NKAIN3: variants seen among roughly 807,000 people sequenced by gnomAD.
The protein encoded by NKAIN3 is sodium/potassium transporting ATPase interacting 3.
In NKAIN3, 25 loss-of-function variants were observed where a neutral mutation model predicts 30.2. The observed-to-expected ratio is 0.83, with a 90% CI of 0.60 to 1.16. The LOEUF is 1.16. Ranked by LOEUF, NKAIN3 falls within the 50% of genes most tolerant of loss-of-function variation. The pLI is 0.00. For synonymous variants in NKAIN3, 91 were observed against 89.6 expected (o/e 1.02, Z -0.09); for missense variants, 225 against 254.1 (o/e 0.89, Z 0.78).
chr8:62,872,247 G>A (rs373119184), intron 4 of NKAIN3, among the ~76,000 whole-genome samples: 1 of 152,194 alleles, frequency 6.6e-6, no homozygotes, highest in African/African-American at 2.4e-5. Context: ...ATTGTCAGAA[G>A]GTATCCCTGT....
chr8:62,402,144 TTC>T (rs1406011026), intron 1 of NKAIN3, among the ~76,000 whole-genome samples: 1 of 152,168 alleles, frequency 6.6e-6, no homozygotes, highest in Non-Finnish European at 1.5e-5. Context: ...GAAAACATCT[TTC>T]CCACTTTTCC....
At position 62,858,181 on chromosome 8, in the gene NKAIN3, A is replaced by C. The variant is rs550858629; in HGVS notation, c.472-60272A>C. 2.6e-5 allele frequency among the ~76,000 whole-genome samples: 4 copies of C among 152,166 alleles called. No individual in the cohort carries two copies. In the East Asian group the frequency reaches 7.7e-4, roughly 29 times the overall value. Reference sequence around the variant, plus strand: ...CGTTTTTCCTGTACCTGGAGGTATCACCACCGAAGTCTGCGAAATAGCAAA... The same window carrying C: ...CGTTTTTCCTGTACCTGGAGGTATCCCCACCGAAGTCTGCGAAATAGCAAA... On this transcript the variant is annotated intron_variant, in intron 4 of 6. Coordinates refer to ENST00000623646, the MANE Select transcript of NKAIN3 (RefSeq NM_001304533.3).
chr8:62,481,241 CA>C (rs1806708618), intron 1 of NKAIN3, among the ~76,000 whole-genome samples: 1 of 152,088 alleles, frequency 6.6e-6, no homozygotes, highest in South Asian at 2.1e-4. Context: ...AATGCTCCAG[CA>C]ACAGTAATAA....
intron 3 of NKAIN3, among the ~76,000 whole-genome samples, chr8:62,723,933 C>G (rs929134680): frequency 2.6e-5 from 4 of 152,108 alleles, no homozygotes; most frequent in Non-Finnish European, 4.4e-5. Flanking sequence ...CAGATTTTTT[C>G]TAACTTCTTA....
chr8:62,805,938 A>C (rs1296469226), intron 4 of NKAIN3, among the ~76,000 whole-genome samples: 1 of 152,212 alleles, frequency 6.6e-6, no homozygotes, highest in Non-Finnish European at 1.5e-5. Flanking sequence ...TCTACAATGA[A>C]CTCAAACAAA....
intron 1 of NKAIN3, among the ~76,000 whole-genome samples, chr8:62,515,325 A>G (rs1563435189): frequency 1.3e-5 from 2 of 152,178 alleles, no homozygotes; most frequent in Admixed American, 1.3e-4. Flanking sequence ...TGTGATATAT[A>G]TGTGTATATT....
chr8:62,983,986 A>G lies in NKAIN3; in HGVS notation c.*18579A>G, dbSNP rs1824145878. On this transcript the variant is annotated 3_prime_UTR_variant, in exon 7 of 7. Coordinates refer to ENST00000623646, the MANE Select transcript of NKAIN3 (RefSeq NM_001304533.3). ...ACAGACTAGGCAACTAAAGGAACTC[A>G]GTAAAAGATCAAAAGCAATGCTCAA... 6.6e-6 allele frequency: 1 copy of G among 152,254 alleles called. No homozygotes were observed. Among genetic ancestry groups the G allele is most frequent in the African/African-American group, 2.4e-5 (1 of 41,466 alleles). 9.4% of individuals were successfully genotyped at this position (152,254 alleles called of 1,614,324 possible). A position where few individuals can be genotyped will look rare whatever the true frequency, so the allele number is the denominator to read the frequency against.
In NKAIN3 at chr8:62,869,749, CTTTG is replaced by C. The variant is rs939480619; in HGVS notation, c.472-48696_472-48693del. Among the ~76,000 whole-genome samples the C allele has an allele frequency of 5.3e-5, 8 of 151,694 alleles. No individual in the cohort carries two copies. In the South Asian group the frequency reaches 6.2e-4, roughly 12 times the overall value. ...GGCACTGTCAGCCCCGTTTTTTTTC[CTTTG>C]TTTGTTTCTGTTTTTGTTTTTGTTT... On this transcript the variant is annotated intron_variant, in intron 4 of 6. Transcript: ENST00000623646.
At chr8:62,465,404 A>G (rs1806132495) in intron 1 of NKAIN3, among the ~76,000 whole-genome samples, 1 of 152,220 alleles carries the variant, frequency 6.6e-6, no homozygotes, top group Non-Finnish European at 1.5e-5. Flanking sequence ...AAACTTTTCA[A>G]GAAGGAAAAA....
At chr8:62,781,231 G>A (rs1817344380) in intron 4 of NKAIN3, among the ~76,000 whole-genome samples, 1 of 151,746 alleles carries the variant, frequency 6.6e-6, no homozygotes, top group Non-Finnish European at 1.5e-5. Flanking sequence ...TCAAGGATGT[G>A]AAATATATCT....
chr8:62,475,517 T>C (rs1806489880), intron 1 of NKAIN3, among the ~76,000 whole-genome samples: 1 of 152,208 alleles, frequency 6.6e-6, no homozygotes, highest in Non-Finnish European at 1.5e-5. Context: ...TATGATTCAG[T>C]GATTTTTAGT....
intron 4 of NKAIN3, among the ~76,000 whole-genome samples, chr8:62,915,665 T>C (rs1243423019): frequency 6.6e-6 from 1 of 152,128 alleles, no homozygotes; most frequent in Non-Finnish European, 1.5e-5. Context: ...TATACACATA[T>C]ACACACACAC....
At chr8:62,800,813 C>A (rs1818032312) in intron 4 of NKAIN3, among the ~76,000 whole-genome samples, 1 of 152,218 alleles carries the variant, frequency 6.6e-6, no homozygotes, top group Admixed American at 6.5e-5. Flanking sequence ...CAGGGCGAGG[C>A]ATTGCCTCAC....
At chr8:62,265,890 T>C (rs888077968) in intron 1 of NKAIN3, among the ~76,000 whole-genome samples, 3 of 152,208 alleles carry the variant, frequency 2.0e-5, no homozygotes, top group Non-Finnish European at 4.4e-5. Flanking sequence ...GGCCTCAATA[T>C]GGTGTGATTC....
At chr8:62,521,254 G>A (rs1808147585) in intron 1 of NKAIN3, among the ~76,000 whole-genome samples, 1 of 151,962 alleles carries the variant, frequency 6.6e-6, no homozygotes, top group African/African-American at 2.4e-5. Flanking sequence ...GAAAACCCAT[G>A]GGTAGAAAGG....
intron 3 of NKAIN3, among the ~76,000 whole-genome samples, chr8:62,723,364 C>T (rs148794051): frequency 1.2e-4 from 18 of 152,126 alleles, no homozygotes; most frequent in Admixed American, 3.3e-4. Context: ...TACATGCATA[C>T]GCATGCATGA....
intron 2 of NKAIN3, among the ~76,000 whole-genome samples, chr8:62,589,076 G>A (rs1251979946): frequency 2.6e-5 from 4 of 151,724 alleles, no homozygotes; most frequent in Admixed American, 6.6e-5. Flanking sequence ...AAGACCAGTA[G>A]GTTTAAAATT....
At chr8:62,878,040 C>CAAAAAAAA (rs34421488) in intron 4 of NKAIN3, among the ~76,000 whole-genome samples, 2 of 113,738 alleles carry the variant, frequency 1.8e-5, no homozygotes, top group African/African-American at 3.4e-5. Context: ...AACTCCATCT[C>CAAAAAAAA]AAAAAAAAAA....
intron 4 of NKAIN3, among the ~76,000 whole-genome samples, chr8:62,908,285 C>T (rs1821838803): frequency 6.6e-6 from 1 of 152,168 alleles, no homozygotes; most frequent in African/African-American, 2.4e-5. Context: ...AATTAACATG[C>T]TTTTGATTTT....
Sources: gnomAD v4.1 joint callset for allele counts (sites outside exome capture counted in the v4.1 genomes callset) on GRCh38, gnomAD v4.1.1 for gene constraint, MANE v1.5 for transcripts, NCBI Gene and HGNC (gene_info 2026-07-23, HGNC 2026-07-21) for gene names.